Variants in PXDNL observed in about 807,000 individuals in gnomAD.
The protein encoded by PXDNL is probable oxidoreductase PXDNL.
In PXDNL, 145 loss-of-function variants were observed where a neutral mutation model predicts 150.8. That is an observed-to-expected ratio of 0.96 (90% CI 0.84 to 1.10). The LOEUF (loss-of-function observed/expected upper bound fraction) is 1.10. PXDNL is among the 50% of genes least tolerant of loss of function. PXDNL has a pLI of 0.00. For missense variants in PXDNL, 2,087 were observed against 1,873.9 expected (o/e 1.11, Z -2.10); for synonymous variants, 757 against 725.7 (o/e 1.04, Z -0.69).
In PXDNL at chr8:51,809,208, G is replaced by A; in HGVS notation, c.137C>T (p.Pro46Leu). Residue 46 changes from proline to leucine, a missense_variant, in exon 1 of 23, where the codon CCT (proline) becomes CTT (leucine). Physicochemically the swap from Pro to Leu is moderately conservative, Grantham distance 98. Coordinates refer to ENST00000356297, the MANE Select transcript of PXDNL (RefSeq NM_144651.5). ...AACTGTGGTCTGCTGTGGTACCTGAGGAATGTGGTCCAGCATCAAGTGCAT... is the reference window on the plus strand; with the variant it reads ...AACTGTGGTCTGCTGTGGTACCTGAAGAATGTGGTCCAGCATCAAGTGCAT... ...RCMHLMLDHI[P>L]QVPQQTTVLD... 1.9e-6 allele frequency: 3 copies of A among 1,613,848 alleles called. No individual in the cohort carries two copies. Among genetic ancestry groups the A allele is most frequent in the Non-Finnish European group, 2.5e-6 (3 of 1,179,872 alleles).
intron 1 of PXDNL, among the ~76,000 whole-genome samples, chr8:51,797,188 C>T (rs546174529): frequency 4.6e-5 from 7 of 152,220 alleles, no homozygotes; most frequent in East Asian, 3.9e-4. Flanking sequence ...ATAATAAGAG[C>T]CATTTATGAC....
chr8:51,485,154 T>G (rs1468442838), intron 5 of PXDNL, among the ~76,000 whole-genome samples: 4 of 152,192 alleles, frequency 2.6e-5, no homozygotes, highest in Non-Finnish European at 5.9e-5. Flanking sequence ...TTAACTGTAT[T>G]AAGTGTTAAG....
At chr8:51,339,990 A>G (rs1222114336) in intron 20 of PXDNL, 1 of 337,108 alleles carries the variant, frequency 3.0e-6, no homozygotes, top group African/African-American at 2.1e-5. Context: ...ATAATAAGAA[A>G]GTATTTCTTA....
chr8:51,346,653 G>T (rs1292571010), intron 19 of PXDNL, among the ~76,000 whole-genome samples: 1 of 152,152 alleles, frequency 6.6e-6, no homozygotes, highest in East Asian at 1.9e-4. Context: ...TTTGTGCTGT[G>T]CCTGCCATAG....
chr8:51,349,906 T>G (rs973091603), intron 19 of PXDNL, among the ~76,000 whole-genome samples: 1 of 152,170 alleles, frequency 6.6e-6, no homozygotes, highest in Non-Finnish European at 1.5e-5. Context: ...TCAACACCTC[T>G]TATTTGCTTG....
chr8:51,415,107 T>A (rs1045016001), intron 14 of PXDNL, among the ~76,000 whole-genome samples: 7 of 152,098 alleles, frequency 4.6e-5, no homozygotes, highest in African/African-American at 1.7e-4. Context: ...TATGCACACA[T>A]CCTCTCATCC....
At chr8:51,374,789 T>C (rs1586046991) in intron 17 of PXDNL, 58 bp from the exon 18 acceptor site, 3 of 1,571,712 alleles carry the variant, frequency 1.9e-6, no homozygotes, top group Non-Finnish European at 2.6e-6. Flanking sequence ...ATTGAAAATA[T>C]TCCTTATGTG....
chr8:51,379,315 G>A (rs1275106334), intron 17 of PXDNL, among the ~76,000 whole-genome samples: 1 of 152,154 alleles, frequency 6.6e-6, no homozygotes, highest in Admixed American at 6.5e-5. Context: ...AGATTTAGAA[G>A]TAAGGGACAA....
chr8:51,723,775 A>G (rs2130921117), intron 1 of PXDNL, among the ~76,000 whole-genome samples: 1 of 152,200 alleles, frequency 6.6e-6, no homozygotes. Context: ...CAGCCACTGA[A>G]AACATTAGGC....
intron 1 of PXDNL, among the ~76,000 whole-genome samples, chr8:51,769,971 A>G (rs1297377275): frequency 6.6e-6 from 1 of 152,090 alleles, no homozygotes; most frequent in Non-Finnish European, 1.5e-5. Flanking sequence ...GAGGGCCAAA[A>G]TCTCCACCCT....
rs185101879 is a variant in PXDNL, at chr8:51,373,526, A to G, written c.3692+1071T>C. Among the ~76,000 whole-genome samples, 23 of 152,328 alleles carry G rather than the reference A, an allele frequency of 1.5e-4. No individual in the cohort carries two copies. The East Asian group carries it at 4.4e-3, about 29-fold the overall frequency. ...TTGAGCACATTAACCCAATTATGTGAGTCAAGAAATTCAGTGTTAAAAATG... is the reference window on the plus strand; with the variant it reads ...TTGAGCACATTAACCCAATTATGTGGGTCAAGAAATTCAGTGTTAAAAATG... On this transcript the variant is annotated intron_variant, in intron 18 of 22. Coordinates refer to ENST00000356297, the MANE Select transcript of PXDNL (RefSeq NM_144651.5).
intron 17 of PXDNL, 29 bp from the exon 18 acceptor site, chr8:51,374,760 A>G (rs748182324): frequency 6.2e-7 from 1 of 1,604,616 alleles, no homozygotes; most frequent in South Asian, 1.1e-5. Flanking sequence ...GACAGCGCAC[A>G]CCTGAGACTG....
intron 1 of PXDNL, among the ~76,000 whole-genome samples, chr8:51,716,356 T>C (rs1226016873): frequency 6.6e-6 from 1 of 152,230 alleles, no homozygotes; most frequent in African/African-American, 2.4e-5. Context: ...CAATCATATA[T>C]TCAAATGCTG....
At chr8:51,556,783 GCTGT>G (rs1230304366) in intron 4 of PXDNL, 53 bp downstream of exon 4, 4 of 910,292 alleles carry the variant, frequency 4.4e-6, no homozygotes, top group African/African-American at 3.3e-5. Context: ...CATTTAAAAA[GCTGT>G]CTATTTGAAC....
At chr8:51,667,677 T>C (rs1164926099) in intron 1 of PXDNL, among the ~76,000 whole-genome samples, 1 of 152,178 alleles carries the variant, frequency 6.6e-6, no homozygotes, top group Non-Finnish European at 1.5e-5. Context: ...GAAATCAATG[T>C]GCCAAGAATG....
At chr8:51,712,031 A>G (rs1423324963) in intron 1 of PXDNL, among the ~76,000 whole-genome samples, 2 of 152,338 alleles carry the variant, frequency 1.3e-5, no homozygotes, top group South Asian at 2.1e-4. Flanking sequence ...CTGATTGACT[A>G]AAACTAGGGG....
chr8:51,522,558 T>TAA (rs1585546937), intron 4 of PXDNL, among the ~76,000 whole-genome samples: 1 of 152,288 alleles, frequency 6.6e-6, no homozygotes, highest in East Asian at 1.9e-4. Flanking sequence ...TATAAGAGAA[T>TAA]GTAAGGCCGG....
intron 1 of PXDNL, among the ~76,000 whole-genome samples, chr8:51,752,042 A>T (rs1294766670): frequency 1.3e-5 from 2 of 152,302 alleles, no homozygotes; most frequent in Non-Finnish European, 2.9e-5. Context: ...AAAATTACAA[A>T]GTTTTCCAGG....
intron 13 of PXDNL, among the ~76,000 whole-genome samples, chr8:51,426,314 T>A (rs1395209337): frequency 6.6e-6 from 1 of 152,208 alleles, no homozygotes; most frequent in Non-Finnish European, 1.5e-5. Context: ...GTTATTAACT[T>A]AAAATGGTTT....
Sources: gnomAD v4.1 joint callset for allele counts (sites outside exome capture counted in the v4.1 genomes callset) on GRCh38, gnomAD v4.1.1 for gene constraint, MANE v1.5 for transcripts, NCBI Gene and HGNC (gene_info 2026-07-23, HGNC 2026-07-21) for gene names.